TBC1D1: variants seen among roughly 807,000 people sequenced by gnomAD.
TBC1D1 encodes the protein TBC1 domain family member 1.
A neutral mutation model predicts 125.6 loss-of-function variants in TBC1D1; 89 were observed. That is an observed-to-expected ratio of 0.71 (90% CI 0.60 to 0.85). The LOEUF is 0.85. Ranked by LOEUF, TBC1D1 falls within the 40% of genes least tolerant of loss-of-function variation. The pLI is 0.00. For missense variants in TBC1D1, 1,377 were observed against 1,469.2 expected (o/e 0.94, Z 1.03); for synonymous variants, 565 against 564.1 (o/e 1.00, Z -0.02).
chr4:38,004,802 T>C (rs1433931451), intron 2 of TBC1D1, among the ~76,000 whole-genome samples: 1 of 152,258 alleles, frequency 6.6e-6, no homozygotes, highest in Non-Finnish European at 1.5e-5. Flanking sequence ...TGGATGTGTA[T>C]TGAACTAATT....
intron 12 of TBC1D1, among the ~76,000 whole-genome samples, chr4:38,072,302 G>A (rs1310835992): frequency 5.3e-5 from 8 of 152,182 alleles, no homozygotes; most frequent in Non-Finnish European, 1.2e-4. Context: ...CCTTGGAATC[G>A]CAGAGCTTCG....
At chr4:38,052,200 C>CGT in intron 11 of TBC1D1, 140 bp downstream of exon 12, 1 of 641,204 alleles carries the variant, frequency 1.6e-6, no homozygotes. Flanking sequence ...TGTGTGCGCG[C>CGT]GCGTGTGTGT....
chr4:38,020,556 A>AT (rs1482220397), intron 4 of TBC1D1, 35 bp from the exon 5 acceptor site: 4 of 1,565,664 alleles, frequency 2.6e-6, no homozygotes, highest in Non-Finnish European at 3.5e-6. Context: ...CGTCTTCTGG[A>AT]TACAACTGAA....
At chr4:38,085,179 T>A (rs1372505702) in intron 12 of TBC1D1, among the ~76,000 whole-genome samples, 1 of 152,198 alleles carries the variant, frequency 6.6e-6, no homozygotes, top group African/African-American at 2.4e-5. Flanking sequence ...AATATCGACA[T>A]ACCAGCATAG....
At chr4:38,114,981 C>T (rs551005451) in intron 15 of TBC1D1, among the ~76,000 whole-genome samples, 1 of 152,060 alleles carries the variant, frequency 6.6e-6, no homozygotes, top group Non-Finnish European at 1.5e-5. Context: ...CTTTTAGCTG[C>T]ATTTAGATGA....
intron 13 of TBC1D1, 50 bp downstream of exon 15, chr4:38,090,167 G>C: frequency 6.3e-7 from 1 of 1,576,264 alleles, no homozygotes; most frequent in South Asian, 1.1e-5. Context: ...TCTTGGCTCT[G>C]AAGTTAATCA....
intron 15 of TBC1D1, among the ~76,000 whole-genome samples, chr4:38,114,585 C>G (rs1349511969): frequency 1.3e-5 from 2 of 152,112 alleles, no homozygotes; most frequent in Non-Finnish European, 2.9e-5. Context: ...CTGCCTGGCT[C>G]CAGATGTTTC....
At chr4:37,927,032 T>G (rs944357541) in intron 2 of TBC1D1, among the ~76,000 whole-genome samples, 12 of 151,756 alleles carry the variant, frequency 7.9e-5, no homozygotes, top group African/African-American at 2.2e-4. Context: ...GACATGAGAG[T>G]CACTTGAACC....
Position 38,021,699 on chromosome 4 carries a change from G to T in TBC1D1, c.1191G>T (p.Lys397Asn). Reference sequence around the variant, plus strand: ...GCTGCCCCCTGCAAAGCCTGCACAAGCTCTGTGAGAGGATAGAGGGTGAGT... The same window carrying T: ...GCTGCCCCCTGCAAAGCCTGCACAATCTCTGTGAGAGGATAGAGGGTGAGT... The change falls in exon 6 of 20, where the codon AAG becomes AAT. Residue 397 changes from lysine to asparagine, a missense_variant. Physicochemically the swap from Lys to Asn is moderately conservative, Grantham distance 94 (BLOSUM62 0). Coordinates refer to ENST00000261439, the MANE Select transcript of TBC1D1 (RefSeq NM_015173.4). 6.3e-7 allele frequency: 1 copy of T among 1,588,964 alleles called. No individual in the cohort carries two copies. The highest frequency in any genetic ancestry group is 8.6e-7 in the Non-Finnish European group (1 of 1,168,412).
rs769257567 is a variant in TBC1D1, at chr4:38,014,674, G to C, written c.583G>C (p.Glu195Gln). Residue 195 changes from glutamate (E) to glutamine (Q), a missense_variant, in exon 3 of 20, where the codon GAG becomes CAG. Physicochemically the swap from Glu to Gln is conservative, Grantham distance 29. Around this residue, in one of 3 missense-constraint regions of TBC1D1, gnomAD observed 822 missense variants for 824.6 expected, o/e 1.00. Transcript: ENST00000261439. This position sits in a 1 kb window ranked among gnomAD's most constrained non-coding sequence, Gnocchi z 5.1. ...GAAGGCTCCGCCGGCCCTGATCGAC[G>C]AGTGCATCGAGAAGTTCAATCACGT... 1 of 1,613,044 alleles carries C rather than the reference G, an allele frequency of 6.2e-7. No homozygotes were observed. The highest frequency in any genetic ancestry group is 1.3e-5 in the African/African-American group (1 of 74,932).
At chr4:38,107,175 C>T (rs1037401434) in intron 15 of TBC1D1, among the ~76,000 whole-genome samples, 10 of 152,244 alleles carry the variant, frequency 6.6e-5, no homozygotes, top group Admixed American at 4.6e-4. Context: ...TCAGTCTCCT[C>T]TCCCCACTGG....
intron 1 of TBC1D1, among the ~76,000 whole-genome samples, chr4:37,899,331 G>A (rs1193641852): frequency 6.6e-6 from 1 of 152,032 alleles, no homozygotes; most frequent in African/African-American, 2.4e-5. Context: ...CTAAATTCAG[G>A]CCTAGGAGCC....
chr4:37,905,126 G>A (rs1172048137), intron 2 of TBC1D1, among the ~76,000 whole-genome samples: 1 of 152,220 alleles, frequency 6.6e-6, no homozygotes, highest in Non-Finnish European at 1.5e-5. Flanking sequence ...CTTGGGAGAA[G>A]AGGCATGTAA....
chr4:38,049,091 G>A (rs1221191876), intron 10 of TBC1D1, among the ~76,000 whole-genome samples: 1 of 152,194 alleles, frequency 6.6e-6, no homozygotes, highest in Non-Finnish European at 1.5e-5. Context: ...AATTGCAGCA[G>A]TAAGTGCCTA....
intron 2 of TBC1D1, among the ~76,000 whole-genome samples, chr4:37,946,207 C>A (rs537213022): frequency 4.4e-4 from 67 of 152,300 alleles, no homozygotes; most frequent in South Asian, 1.0e-3. Context: ...GCTGGAAAAA[C>A]CATTTTTCTA....
At chr4:37,905,767 T>G (rs963247043) in intron 2 of TBC1D1, among the ~76,000 whole-genome samples, 8 of 152,240 alleles carry the variant, frequency 5.3e-5, no homozygotes, top group Non-Finnish European at 1.0e-4. Context: ...CTGGACCACT[T>G]CTGCTCTCAG....
chr4:38,074,660 C>T (rs1359866405), intron 12 of TBC1D1, among the ~76,000 whole-genome samples: 3 of 152,150 alleles, frequency 2.0e-5, no homozygotes, highest in Non-Finnish European at 4.4e-5. Flanking sequence ...ATATTTGGTC[C>T]CATGTAACAA....
At chr4:37,994,729 CAAG>C (rs1184650790) in intron 2 of TBC1D1, among the ~76,000 whole-genome samples, 2 of 152,136 alleles carry the variant, frequency 1.3e-5, no homozygotes, top group African/African-American at 4.8e-5. Flanking sequence ...ACCTGATCAG[CAAG>C]AAGGAGGGTG....
rs143672357 is a variant in TBC1D1 at position 37,937,682 on chromosome 4, G to T, written c.417+35170G>T. Among the ~76,000 whole-genome samples, 751 of 152,272 alleles carry T rather than the reference G, an allele frequency of 4.9e-3. 2 individuals are homozygous for T. Among genetic ancestry groups the T allele is most frequent in the Non-Finnish European group, 8.1e-3 (551 of 68,020 alleles). ...AACAATTCTTATTGTTTCATAAACT[G>T]CTGGACTTCCTAGCCACTATAGGGT... On this transcript the variant is annotated intron_variant, in intron 2 of 19. Coordinates refer to ENST00000261439, the MANE Select transcript of TBC1D1 (RefSeq NM_015173.4).
Sources: gnomAD v4.1 joint callset for allele counts (sites outside exome capture counted in the v4.1 genomes callset) on GRCh38, gnomAD v4.1.1 for gene constraint, gnomAD v4.1.1 regional missense constraint, Gnocchi (gnomAD v3.1) non-coding constraint, MANE v1.5 for transcripts, NCBI Gene and HGNC (gene_info 2026-07-23, HGNC 2026-07-21) for gene names.